Variants in SEMA5A observed in about 807,000 individuals in gnomAD.
SEMA5A encodes the protein semaphorin 5A, also known as semaphorin-5A.
In SEMA5A, 55 loss-of-function variants were observed where a neutral mutation model predicts 135.5. The ratio of observed to expected loss-of-function variants is 0.41; its 90% CI spans 0.33 to 0.51. The LOEUF is 0.51. SEMA5A is among the 20% of genes least tolerant of loss of function. The probability of loss-of-function intolerance (pLI) is 0.37; values close to 1 mark genes in which losing one functional copy is unlikely to be tolerated. For missense variants in SEMA5A, 1,290 were observed against 1,419.9 expected, an observed-to-expected ratio of 0.91 and a Z score of 1.47; for synonymous variants, 580 against 546.5, an observed-to-expected ratio of 1.06 and a Z score of -0.85.
intron 3 of SEMA5A, among the ~76,000 whole-genome samples, chr5:9,350,117 G>A (rs1232991109): frequency 6.6e-6 from 1 of 152,096 alleles, no homozygotes; most frequent in Non-Finnish European, 1.5e-5. Flanking sequence ...TGGTAACATG[G>A]AGCCTTTGTT....
intron 11 of SEMA5A, among the ~76,000 whole-genome samples, chr5:9,160,410 C>A (rs953126409): frequency 7.2e-5 from 11 of 152,010 alleles, no homozygotes; most frequent in Non-Finnish European, 1.6e-4. Context: ...GAGTAACATG[C>A]AAAGAAAAGT....
intron 3 of SEMA5A, among the ~76,000 whole-genome samples, chr5:9,343,797 C>T (rs1046171817): frequency 6.6e-6 from 1 of 152,154 alleles, no homozygotes; most frequent in African/African-American, 2.4e-5. Context: ...CTTTCCTTTG[C>T]AGTTTGCGTT....
chr5:9,074,937 GA>G (rs1561127108), intron 16 of SEMA5A, among the ~76,000 whole-genome samples: 1 of 152,060 alleles, frequency 6.6e-6, no homozygotes, highest in Non-Finnish European at 1.5e-5. Flanking sequence ...CCATAGAACG[GA>G]AAAAGACTCA....
Position 9,247,086 on chromosome 5 carries a change from C to T in SEMA5A, c.271-9196G>A, listed in dbSNP as rs145515874. On this transcript the variant is annotated intron_variant, in intron 5 of 22. Coordinates refer to ENST00000382496, the MANE Select transcript of SEMA5A (RefSeq NM_003966.3). Reference sequence around the variant, plus strand: ...GGCAACATGAAACAGATGTAGAAAACGACGCCAGCAACCACAGCATGAATG... The same window carrying T: ...GGCAACATGAAACAGATGTAGAAAATGACGCCAGCAACCACAGCATGAATG... 2.4e-4 allele frequency among the ~76,000 whole-genome samples: 36 copies of T among 152,246 alleles called. No homozygotes were observed. The East Asian group carries it at 4.0e-3, about 17-fold the overall frequency.
chr5:9,280,422 C>T (rs990983499), intron 5 of SEMA5A, among the ~76,000 whole-genome samples: 3 of 152,214 alleles, frequency 2.0e-5, no homozygotes, highest in Admixed American at 1.3e-4. Flanking sequence ...TGAAGCACAT[C>T]TGGACACAGG....
intron 5 of SEMA5A, among the ~76,000 whole-genome samples, chr5:9,259,280 T>C (rs1234628126): frequency 1.3e-5 from 2 of 152,216 alleles, no homozygotes; most frequent in African/African-American, 4.8e-5. Flanking sequence ...ACCAAATTTT[T>C]CCCCACATGT....
At chr5:9,441,063 T>G (rs564753700) in intron 1 of SEMA5A, among the ~76,000 whole-genome samples, 1 of 152,350 alleles carries the variant, frequency 6.6e-6, no homozygotes, top group East Asian at 1.9e-4. Flanking sequence ...TGGCATTTAA[T>G]TGACAGGCCT....
chr5:9,451,428 G>A (rs1758640732), intron 1 of SEMA5A, among the ~76,000 whole-genome samples: 1 of 152,104 alleles, frequency 6.6e-6, no homozygotes, highest in Admixed American at 6.5e-5. Flanking sequence ...TCTTTTTCAG[G>A]GTACGCTGGA....
chr5:9,116,107 C>T lies in SEMA5A; in HGVS notation c.1925+2891G>A, dbSNP rs547257266. Among the ~76,000 whole-genome samples the T allele has an allele frequency of 3.9e-5, 6 of 152,208 alleles. No individual in the cohort carries two copies. In the East Asian group the frequency reaches 1.2e-3, roughly 29 times the overall value. ...ACATGATCTTGGAAGTGCATCCTTC[C>T]CCAGTGGAGCCTCAGATGAGACCAC... On this transcript the variant is annotated intron_variant, in intron 15 of 22. Coordinates refer to ENST00000382496, the MANE Select transcript of SEMA5A (RefSeq NM_003966.3).
chr5:9,290,296 A>G lies in SEMA5A; in HGVS notation c.270+28076T>C, dbSNP rs552640303. Among the ~76,000 whole-genome samples, 5 of 152,354 alleles carry G rather than the reference A, an allele frequency of 3.3e-5. No individual in the cohort carries two copies. In the East Asian group the frequency reaches 9.6e-4, roughly 29 times the overall value. ...AAGCACTCCCATTATGAGTGAGAAC[A>G]TATGATGTTTGGTTTTCCATTCCTG... is the stretch of plus-strand genomic sequence containing the variant. On this transcript the variant is annotated intron_variant, in intron 5 of 22. Transcript: ENST00000382496.
At chr5:9,179,173 G>A (rs747728094) in intron 11 of SEMA5A, among the ~76,000 whole-genome samples, 3 of 152,110 alleles carry the variant, frequency 2.0e-5, no homozygotes, top group Non-Finnish European at 1.5e-5. Context: ...GGAATCCACT[G>A]GGCTTCATCT....
chr5:9,203,240 T>C (rs1441395261), intron 8 of SEMA5A, among the ~76,000 whole-genome samples: 1 of 127,638 alleles, frequency 7.8e-6, no homozygotes, highest in Non-Finnish European at 1.6e-5. Flanking sequence ...GTATCTTAAT[T>C]TTCTGGTGCA....
intron 1 of SEMA5A, among the ~76,000 whole-genome samples, chr5:9,499,907 G>C (rs984568073): frequency 6.6e-6 from 1 of 151,864 alleles, no homozygotes; most frequent in Non-Finnish European, 1.5e-5. Flanking sequence ...AGAAGGCTTG[G>C]GGAAAAAAGT....
At position 9,134,916 on chromosome 5, in the gene SEMA5A, GAACA is replaced by G. The variant is rs952900329; in HGVS notation, c.1599+1584_1599+1587del. Among the ~76,000 whole-genome samples, 49 of 152,300 alleles carry G rather than the reference GAACA, an allele frequency of 3.2e-4. 1 individual carries two copies. The highest frequency in any genetic ancestry group is 2.3e-3 in the Admixed American group (35 of 15,302). ...TTTTTCAGAAATAGGAAGGGCCTTA[GAACA>G]AACAATGACATTTTTCTAACCATTT... On this transcript the variant is annotated intron_variant, in intron 13 of 22. Coordinates refer to ENST00000382496, the MANE Select transcript of SEMA5A (RefSeq NM_003966.3).
intron 7 of SEMA5A, among the ~76,000 whole-genome samples, chr5:9,225,436 G>A (rs1181392594): frequency 6.8e-6 from 1 of 147,936 alleles, no homozygotes; most frequent in African/African-American, 2.5e-5. Flanking sequence ...ACGCATGGTG[G>A]CATGCACCTG....
chr5:9,278,331 T>C (rs1002174128), intron 5 of SEMA5A, among the ~76,000 whole-genome samples: 28 of 152,172 alleles, frequency 1.8e-4, no homozygotes, highest in African/African-American at 6.3e-4. Flanking sequence ...CAAGAGGTGA[T>C]CTGATTGTTT....
At chr5:9,526,017 GA>G (rs1162501884) in intron 1 of SEMA5A, among the ~76,000 whole-genome samples, 3 of 152,184 alleles carry the variant, frequency 2.0e-5, no homozygotes, top group African/African-American at 7.2e-5. Context: ...GAGAGTTCTA[GA>G]GTTGGGAATC....
intron 16 of SEMA5A, among the ~76,000 whole-genome samples, chr5:9,092,035 G>T (rs946149602): frequency 6.6e-6 from 1 of 152,158 alleles, no homozygotes; most frequent in Admixed American, 6.5e-5. Context: ...TTTCTATCAG[G>T]CATCTGTATT....
chr5:9,304,175 A>G (rs564399647), intron 5 of SEMA5A, among the ~76,000 whole-genome samples: 1 of 152,158 alleles, frequency 6.6e-6, no homozygotes, highest in East Asian at 1.9e-4. Context: ...ATACCTATTT[A>G]TCTTTGTTGT....
Sources: allele counts gnomAD v4.1 joint callset (sites outside exome capture counted in the v4.1 genomes callset), GRCh38; gene constraint gnomAD v4.1.1; transcripts MANE v1.5; gene names NCBI Gene and HGNC (gene_info 2026-07-23, HGNC 2026-07-21).